DNAL4: variants seen among roughly 807,000 people sequenced by gnomAD.
DNAL4 encodes the protein dynein axonemal light chain 4, also known as dynein light chain, outer arm 4.
Under a neutral mutation model 12.6 loss-of-function variants are expected in DNAL4, and 10 were observed. The observed-to-expected ratio is 0.79, with a 90% CI of 0.49 to 1.34. The LOEUF is 1.34. DNAL4 is among the 40% of genes most tolerant of loss of function. DNAL4 has a pLI of 0.00. For synonymous variants in DNAL4, 46 were observed against 53.1 expected, an observed-to-expected ratio of 0.87 and a Z score of 0.58; for missense variants, 128 against 138.1, an observed-to-expected ratio of 0.93 and a Z score of 0.37.
chr22:38,784,986 C>T (rs565181312), intron 1 of DNAL4, among the ~76,000 whole-genome samples: 11 of 145,494 alleles, frequency 7.6e-5, no homozygotes, highest in African/African-American at 2.5e-4. Context: ...CCCCCCCCCC[C>T]ATCCAATGAC....
chr22:38,783,144 GGCAGTGAGCAAAT>G (rs2093036811), intron 1 of DNAL4, among the ~76,000 whole-genome samples: 2 of 152,292 alleles, frequency 1.3e-5, no homozygotes, highest in East Asian at 3.9e-4. Context: ...GGCTTGAGCT[GGCAGTGAGCAAAT>G]GCAGTTTCCC....
chr22:38,780,720 C>T (rs1003730097), intron 3 of DNAL4: 3 of 561,608 alleles, frequency 5.3e-6, no homozygotes, highest in Non-Finnish European at 9.5e-6. Context: ...TGGCTTTGCT[C>T]CTCTAGGGCT....
chr22:38,790,239 G>A (rs922495149), intron 1 of DNAL4, among the ~76,000 whole-genome samples: 9 of 152,318 alleles, frequency 5.9e-5, no homozygotes, highest in African/African-American at 2.2e-4. Flanking sequence ...GGGTTGACAG[G>A]AGCAGAGACC....
intron 1 of DNAL4, among the ~76,000 whole-genome samples, chr22:38,787,090 A>C (rs921872888): frequency 9.9e-5 from 15 of 151,954 alleles, no homozygotes; most frequent in African/African-American, 3.6e-4. Context: ...CCCACCATGC[A>C]CCTGAGAGAT....
intron 1 of DNAL4, among the ~76,000 whole-genome samples, chr22:38,793,820 T>C (rs2093054602): frequency 8.7e-6 from 1 of 115,366 alleles, no homozygotes; most frequent in Non-Finnish European, 1.7e-5. Context: ...GGGCAGGCCT[T>C]GGGTGGGTGG....
chr22:38,785,433 T>C (rs957251293), intron 1 of DNAL4: 1 of 152,172 alleles, frequency 6.6e-6, no homozygotes, highest in African/African-American at 2.4e-5. Context: ...GGCTAAAAAG[T>C]GCTGGCATGT....
chr22:38,791,253 C>G (rs1034585921), intron 1 of DNAL4, among the ~76,000 whole-genome samples: 2 of 151,922 alleles, frequency 1.3e-5, no homozygotes, highest in African/African-American at 4.8e-5. Context: ...ATGAATGAAG[C>G]GTACAGGACA....
Position 38,779,827 on chromosome 22 carries a change from G to C in DNAL4, c.154-214C>G, listed in dbSNP as rs1472558637. ...GGCACAGAAAACTAGACATTACTCA[G>C]CAGTCAAGAAGAAACTGGCTGAGGC... On this transcript the variant is annotated intron_variant, in intron 3 of 3. Coordinates refer to ENST00000216068, the MANE Select transcript of DNAL4 (RefSeq NM_005740.3). The surrounding 1 kb of genome is among the most constrained non-coding windows in gnomAD (Gnocchi z 4.3). 6.6e-6 allele frequency among the ~76,000 whole-genome samples: 1 copy of C among 152,178 alleles called. No homozygotes were observed. The highest frequency in any genetic ancestry group is 1.9e-4 in the East Asian group (1 of 5,192).
At chr22:38,780,728 G>T in intron 3 of DNAL4, 198 bp downstream of exon 3, 1 of 574,760 alleles carries the variant, frequency 1.7e-6, no homozygotes, top group Non-Finnish European at 3.1e-6. Flanking sequence ...CTCCTCTAGG[G>T]CTGGGTGTGA....
chr22:38,783,891 G>C (rs889667888), intron 1 of DNAL4, among the ~76,000 whole-genome samples: 1 of 152,080 alleles, frequency 6.6e-6, no homozygotes. Context: ...CTGGACCCGA[G>C]ATGACTGGCA....
intron 1 of DNAL4, among the ~76,000 whole-genome samples, chr22:38,784,805 G>A (rs1359910522): frequency 1.4e-4 from 22 of 152,108 alleles, no homozygotes; most frequent in Admixed American, 1.4e-3. Context: ...GAGCTACCGC[G>A]CCCAGCCTGC....
Position 38,782,590 on chromosome 22 carries a change from A to G in DNAL4, c.69+73T>C. On this transcript the variant is annotated intron_variant, in intron 2 of 3. Transcript: ENST00000216068. This position sits in a 1 kb window ranked among gnomAD's most constrained non-coding sequence, Gnocchi z 5.1. ...TCCTCCCACTGCCATCCTGCAAGGG[A>G]CAAGCTCCACCCACCTCTCTCCAGG... The G allele has an allele frequency of 6.5e-7, 1 of 1,529,210 alleles. No homozygotes were observed. Among genetic ancestry groups the G allele is most frequent in the Non-Finnish European group, 9.0e-7 (1 of 1,112,204 alleles). The allele number at this position is 1,529,210 out of a possible 1,614,324, so 94.7% of individuals were successfully genotyped here.
rs545762848 is a variant in DNAL4, at chr22:38,779,853, G to A, written c.154-240C>T. On this transcript the variant is annotated intron_variant, in intron 3 of 3. Transcript: ENST00000216068. The surrounding 1 kb of genome is among the most constrained non-coding windows in gnomAD (Gnocchi z 4.3). ...CAGTCAAGAAGAAACTGGCTGAGGC[G>A]GGAAGGCAAGCATCAGGTCTGGAGA... Among the ~76,000 whole-genome samples the A allele has an allele frequency of 2.0e-4, 31 of 152,270 alleles. No homozygotes were observed. Among genetic ancestry groups the A allele is most frequent in the Non-Finnish European group, 1.5e-4 (10 of 68,006 alleles).
intron 1 of DNAL4, among the ~76,000 whole-genome samples, chr22:38,790,281 T>G (rs1475245379): frequency 1.3e-5 from 2 of 152,038 alleles, no homozygotes; most frequent in African/African-American, 4.8e-5. Context: ...GAAGCTGCAG[T>G]AATGGTCCAG....
At chr22:38,786,499 C>A (rs183779936) in intron 1 of DNAL4, among the ~76,000 whole-genome samples, 8 of 152,320 alleles carry the variant, frequency 5.3e-5, no homozygotes, top group African/African-American at 1.7e-4. Context: ...ACAGAGATTG[C>A]GGTGAGCCAA....
intron 1 of DNAL4, among the ~76,000 whole-genome samples, chr22:38,792,149 G>A (rs183500110): frequency 4.0e-4 from 61 of 152,016 alleles, no homozygotes; most frequent in Non-Finnish European, 7.5e-4. Flanking sequence ...TTTTGATTTT[G>A]TTAACTTTTT....
Position 38,779,222 on chromosome 22 carries a change from G to T in DNAL4, c.*227C>A. The T allele has an allele frequency of 2.0e-6, 1 of 490,706 alleles. No individual in the cohort carries two copies. 30.4% of individuals were successfully genotyped at this position (490,706 alleles called of 1,614,324 possible). A position where few individuals can be genotyped will look rare whatever the true frequency, so the allele number is the denominator to read the frequency against. ...CCCCACGTCTCCCACACAGACCCAT[G>T]CCCGCTGCCCCGTCCACACCCTGAG... On this transcript the variant is annotated 3_prime_UTR_variant, in exon 4 of 4. Coordinates refer to ENST00000216068, the MANE Select transcript of DNAL4 (RefSeq NM_005740.3). The surrounding 1 kb of genome is among the most constrained non-coding windows in gnomAD (Gnocchi z 4.3).
Position 38,782,374 on chromosome 22 carries a change from A to G in DNAL4, c.69+289T>C, listed in dbSNP as rs1279669599. On this transcript the variant is annotated intron_variant, in intron 2 of 3. Transcript: ENST00000216068. This position sits in a 1 kb window ranked among gnomAD's most constrained non-coding sequence, Gnocchi z 5.1. The stretch of plus-strand genomic sequence containing the variant: ...ATTATAGTACTTACTGCCTACGATC[A>G]TGTTCTTAAAACATGTATTTCATGT... 6.6e-6 allele frequency among the ~76,000 whole-genome samples: 1 copy of G among 152,150 alleles called. No homozygotes were observed. Among genetic ancestry groups the G allele is most frequent in the Non-Finnish European group, 1.5e-5 (1 of 68,034 alleles).
chr22:38,784,232 C>G (rs986657912), intron 1 of DNAL4, among the ~76,000 whole-genome samples: 3 of 152,172 alleles, frequency 2.0e-5, no homozygotes, highest in African/African-American at 7.2e-5. Context: ...ACCTTGTCAT[C>G]GCAACAACCC....
Sources: allele counts gnomAD v4.1 joint callset (sites outside exome capture counted in the v4.1 genomes callset), GRCh38; gene constraint gnomAD v4.1.1; non-coding constraint Gnocchi (gnomAD v3.1); transcripts MANE v1.5; gene names NCBI Gene and HGNC (gene_info 2026-07-23, HGNC 2026-07-21).